The following ITSN1 variants were observed in gnomAD, a reference collection of about 807,000 sequenced individuals.
The protein encoded by ITSN1 is intersectin 1.
A neutral mutation model predicts 239.8 loss-of-function variants in ITSN1; 58 were observed. The ratio of observed to expected loss-of-function variants is 0.24; its 90% CI spans 0.20 to 0.30. ITSN1 has a LOEUF of 0.30. Ranked by LOEUF, ITSN1 falls within the 10% of genes least tolerant of loss-of-function variation. The pLI, the probability that ITSN1 is intolerant of heterozygous loss-of-function variation, is 1.00. For missense variants in ITSN1, 1,558 were observed against 2,103.3 expected (o/e 0.74, Z 5.07); for synonymous variants, 780 against 770.8 (o/e 1.01, Z -0.20).
At chr21:33,705,906 CTTTAAT>C (rs1031329555) in intron 1 of ITSN1, among the ~76,000 whole-genome samples, 2 of 152,052 alleles carry the variant, frequency 1.3e-5, no homozygotes, top group Non-Finnish European at 2.9e-5. Context: ...GTAAAAGCAG[CTTTAAT>C]TTTTTTTCTG....
intron 1 of ITSN1, among the ~76,000 whole-genome samples, chr21:33,683,915 C>T (rs2091103462): frequency 6.6e-6 from 1 of 152,092 alleles, no homozygotes; most frequent in Admixed American, 6.6e-5. Flanking sequence ...AGAATGACAG[C>T]TTAAATAATG....
At chr21:33,869,558 T>C (rs1426197911) in intron 33 of ITSN1, among the ~76,000 whole-genome samples, 4 of 152,224 alleles carry the variant, frequency 2.6e-5, no homozygotes, top group Admixed American at 2.0e-4. Flanking sequence ...GTTCTTCTCC[T>C]GTCACTTTGA....
At chr21:33,643,040 C>T (rs2087552781) in intron 1 of ITSN1, among the ~76,000 whole-genome samples, 1 of 149,796 alleles carries the variant, frequency 6.7e-6, no homozygotes, top group African/African-American at 2.4e-5. Context: ...CGAGCGGGCT[C>T]CCTCCTCTCG....
intron 9 of ITSN1, among the ~76,000 whole-genome samples, chr21:33,765,655 A>C (rs1274910864): frequency 6.6e-6 from 1 of 152,216 alleles, no homozygotes; most frequent in Non-Finnish European, 1.5e-5. Context: ...GAAGAGTATC[A>C]TTATAATCAT....
At chr21:33,784,022 TCA>T (rs1170748286) in intron 16 of ITSN1, among the ~76,000 whole-genome samples, 1 of 152,230 alleles carries the variant, frequency 6.6e-6, no homozygotes, top group Non-Finnish European at 1.5e-5. Context: ...GCTTTCAGTA[TCA>T]CAGAGTTTCT....
In ITSN1 at chr21:33,897,317, G is replaced by A. The variant is rs1986839614; in HGVS notation, c.*9017G>A. 6.6e-6 allele frequency: 1 copy of A among 152,340 alleles called. No individual in the cohort carries two copies. The highest frequency in any genetic ancestry group is 6.5e-5 in the Admixed American group (1 of 15,290). 9.4% of individuals were successfully genotyped at this position (152,340 alleles called of 1,614,324 possible). ...TCTTATCCCTTGGTGGCCCTGCATA[G>A]ATAGGGGAGTTGGCCCCTGCCCACC... On this transcript the variant is annotated 3_prime_UTR_variant, in exon 40 of 40. Transcript: ENST00000381318.
chr21:33,813,932 G>C lies in ITSN1; in HGVS notation c.2587G>C (p.Glu863Gln). 6.2e-7 allele frequency: 1 copy of C among 1,613,706 alleles called. No homozygotes were observed. Among genetic ancestry groups the C allele is most frequent in the South Asian group, 1.1e-5 (1 of 91,076 alleles). Residue 863 changes from glutamate (E) to glutamine (Q), a missense_variant, in exon 22 of 40, where the codon GAG (glutamate) becomes CAG (glutamine). By Grantham distance (29) the Glu-to-Gln change is conservative (BLOSUM62 2). Around this residue, in one of 2 missense-constraint regions of ITSN1, gnomAD observed 982 missense variants for 1,209.9 expected, o/e 0.81. Transcript: ENST00000381318. ...CTCCAGGTGGCCCACCAGCACGAAT[G>C]AGAAACCAGAAACGGATAACTGGGA... ...FSSTWPTSTN[E>Q]KPETDNWDAW...
At chr21:33,676,589 T>G (rs1184886275) in intron 1 of ITSN1, among the ~76,000 whole-genome samples, 4 of 152,344 alleles carry the variant, frequency 2.6e-5, no homozygotes, top group Admixed American at 2.6e-4. Context: ...GTAGTTTGTT[T>G]TGATGCAAGC....
intron 1 of ITSN1, among the ~76,000 whole-genome samples, chr21:33,717,177 A>G (rs999801739): frequency 6.6e-6 from 1 of 151,876 alleles, no homozygotes; most frequent in African/African-American, 2.4e-5. Context: ...GTGAGTATTT[A>G]GTACTCATTC....
At chr21:33,660,239 C>T (rs2089448432) in intron 1 of ITSN1, among the ~76,000 whole-genome samples, 1 of 152,110 alleles carries the variant, frequency 6.6e-6, no homozygotes, top group South Asian at 2.1e-4. Flanking sequence ...TTGTTATGTG[C>T]TGCTCCCACA....
At chr21:33,853,630 C>A (rs941277703) in intron 29 of ITSN1, among the ~76,000 whole-genome samples, 1 of 152,198 alleles carries the variant, frequency 6.6e-6, no homozygotes, top group Non-Finnish European at 1.5e-5. Flanking sequence ...CACCTCCATG[C>A]TGCAGACTGG....
chr21:33,879,868 C>T (rs944970568), intron 34 of ITSN1, among the ~76,000 whole-genome samples: 4 of 152,278 alleles, frequency 2.6e-5, no homozygotes, highest in South Asian at 2.1e-4. Context: ...TTAGTAGAGA[C>T]GGGGTTTCGC....
chr21:33,660,624 A>G (rs1168886246), intron 1 of ITSN1, among the ~76,000 whole-genome samples: 1 of 152,170 alleles, frequency 6.6e-6, no homozygotes, highest in East Asian at 1.9e-4. Context: ...GTTTTGGTTG[A>G]AATAGTTGAA....
intron 29 of ITSN1, among the ~76,000 whole-genome samples, chr21:33,847,375 T>G (rs1487444695): frequency 6.6e-6 from 1 of 152,248 alleles, no homozygotes; most frequent in Non-Finnish European, 1.5e-5. Context: ...AGCCTGATCT[T>G]GCAGGCATCT....
chr21:33,679,596 A>G (rs1281387299), intron 1 of ITSN1, among the ~76,000 whole-genome samples: 1 of 151,516 alleles, frequency 6.6e-6, no homozygotes, highest in African/African-American at 2.4e-5. Flanking sequence ...TGTGGATTAT[A>G]GGTTTTAGGA....
chr21:33,709,821 C>T (rs986870350), intron 1 of ITSN1, among the ~76,000 whole-genome samples: 6 of 151,988 alleles, frequency 3.9e-5, no homozygotes, highest in African/African-American at 1.4e-4. Flanking sequence ...ATAAGGAGAG[C>T]TTTATTTTTA....
Position 33,779,468 on chromosome 21 carries a change from C to CT in ITSN1, c.1597-1992dup, listed in dbSNP as rs777512539. Among the ~76,000 whole-genome samples the CT allele has an allele frequency of 7.2e-5, 11 of 152,140 alleles. No individual in the cohort carries two copies. The East Asian group carries it at 1.5e-3, about 21-fold the overall frequency. On this transcript the variant is annotated intron_variant, in intron 14 of 39. Transcript: ENST00000381318. The stretch of plus-strand genomic sequence containing the variant: ...TGAGATTTATGGCTCAGCATATGCT[C>CT]TGTCTTGGGGAATATTCTATGGGCG...
intron 16 of ITSN1, among the ~76,000 whole-genome samples, chr21:33,787,718 CAATG>C (rs756092763): frequency 3.9e-5 from 6 of 152,004 alleles, no homozygotes; most frequent in Non-Finnish European, 5.9e-5. Context: ...TGAAGGGAAA[CAATG>C]AAGGAAGGAG....
At chr21:33,798,001 C>T (rs1016572127) in intron 18 of ITSN1, among the ~76,000 whole-genome samples, 1 of 152,256 alleles carries the variant, frequency 6.6e-6, no homozygotes, top group Non-Finnish European at 1.5e-5. Flanking sequence ...GGGGCATTCG[C>T]TGTCTTCGGT....
Sources: allele counts gnomAD v4.1 joint callset (sites outside exome capture counted in the v4.1 genomes callset), GRCh38; gene constraint gnomAD v4.1.1; regional missense constraint gnomAD v4.1.1; transcripts MANE v1.5; gene names NCBI Gene and HGNC (gene_info 2026-07-23, HGNC 2026-07-21).